SORBS2: variants seen among roughly 807,000 people sequenced by gnomAD.
The protein encoded by SORBS2 is sorbin and SH3 domain-containing protein 2.
A neutral mutation model predicts 97.7 loss-of-function variants in SORBS2; 46 were observed. That is an observed-to-expected ratio of 0.47 (90% confidence interval 0.37 to 0.60). The LOEUF (loss-of-function observed/expected upper bound fraction) is 0.60, where lower values mean the gene tolerates loss of function less well. SORBS2 is among the 20% of genes least tolerant of loss of function. The probability of loss-of-function intolerance (pLI) is 0.00; values close to 1 mark genes in which losing one functional copy is unlikely to be tolerated. For synonymous variants in SORBS2, 476 were observed against 473.4 expected, an observed-to-expected ratio of 1.01 and a Z score of -0.07; for missense variants, 1,316 against 1,282.3, an observed-to-expected ratio of 1.03 and a Z score of -0.40.
chr4:185,933,742 C>T (rs1273720761), intron 1 of SORBS2, among the ~76,000 whole-genome samples: 1 of 152,094 alleles, frequency 6.6e-6, no homozygotes, highest in Non-Finnish European at 1.5e-5. Flanking sequence ...TGTTAATTTA[C>T]CAGCCACTCA....
At chr4:185,879,983 G>T (rs2099236059) in intron 1 of SORBS2, among the ~76,000 whole-genome samples, 1 of 152,214 alleles carries the variant, frequency 6.6e-6, no homozygotes, top group African/African-American at 2.4e-5. Flanking sequence ...AAGAACGAAA[G>T]AATGAACAAA....
At chr4:185,815,024 G>A (rs1187557755) in intron 1 of SORBS2, among the ~76,000 whole-genome samples, 1 of 152,246 alleles carries the variant, frequency 6.6e-6, no homozygotes, top group Non-Finnish European at 1.5e-5. Flanking sequence ...CCATCTTTCT[G>A]AGTCAAGTGA....
chr4:185,663,103 C>A (rs548443162), intron 4 of SORBS2, among the ~76,000 whole-genome samples: 2 of 152,286 alleles, frequency 1.3e-5, no homozygotes, highest in East Asian at 1.9e-4. Context: ...ATTAAGCATG[C>A]CTGTCTACCC....
chr4:185,954,884 A>G (rs949330369), intron 1 of SORBS2, among the ~76,000 whole-genome samples: 2 of 152,232 alleles, frequency 1.3e-5, no homozygotes, highest in Non-Finnish European at 2.9e-5. Context: ...CTTGAACCAG[A>G]TAAGTGGCAG....
At position 185,607,667 on chromosome 4, in the gene SORBS2, G is replaced by A. The variant is rs1330088021; in HGVS notation, c.2796+4113C>T. ...GAGATTACCAGGACAGTAAAACCTTGAGAGATTTATTTTTATTTATTTTTA... is the reference window on the plus strand; with the variant it reads ...GAGATTACCAGGACAGTAAAACCTTAAGAGATTTATTTTTATTTATTTTTA... On this transcript the variant is annotated intron_variant, in intron 12 of 14. Transcript: ENST00000418609. The surrounding 1 kb of genome is among the most constrained non-coding windows in gnomAD (Gnocchi z 5.2). Among the ~76,000 whole-genome samples, 5 of 151,952 alleles carry A rather than the reference G, an allele frequency of 3.3e-5. No individual in the cohort carries two copies. The highest frequency in any genetic ancestry group is 1.2e-4 in the African/African-American group (5 of 41,344).
rs922141370 is a variant in SORBS2 at position 185,606,894 on chromosome 4, G to A, written c.2796+4886C>T. The A allele has an allele frequency of 2.0e-6, 2 of 988,526 alleles. No homozygotes were observed. Among genetic ancestry groups the A allele is most frequent in the African/African-American group, 3.5e-5 (2 of 57,200 alleles). The allele number at this position is 988,526 out of a possible 1,614,324, so 61.2% of individuals were successfully genotyped here. On this transcript the variant is annotated intron_variant, in intron 12 of 14. Transcript: ENST00000418609. This position sits in a 1 kb window ranked among gnomAD's most constrained non-coding sequence, Gnocchi z 4.3. ...CAGAGGCCACAAAATTATCCCCTAG[G>A]ACTTCTGGTGCCTTTTTAGGGTCTG...
rs575661441 is a variant in SORBS2 at position 185,936,091 on chromosome 4, T to C, written c.-338+20105A>G. Among the ~76,000 whole-genome samples, 7 of 152,282 alleles carry C rather than the reference T, an allele frequency of 4.6e-5. No individual in the cohort carries two copies. In the East Asian group the frequency reaches 1.4e-3, roughly 29 times the overall value. On this transcript the variant is annotated intron_variant, in intron 1 of 20. Coordinates refer to the SORBS2 transcript ENST00000284776. ...ACAGGCTGGTCCTGAACTCCTGAGC[T>C]CAAGTGATTAGCCCGACTCGGCCTC...
rs367771477 is a variant in SORBS2 at position 185,744,424 on chromosome 4, G to A, written c.-198+30803C>T. On this transcript the variant is annotated intron_variant, in intron 2 of 20. Coordinates refer to the SORBS2 transcript ENST00000284776. ...TACTCTAGTCTACAGTGTACTGTTG[G>A]GCTAGAAATAGTCCATTGACTATTT... Among the ~76,000 whole-genome samples, 26 of 152,202 alleles carry A rather than the reference G, an allele frequency of 1.7e-4. 1 individual carries two copies. The South Asian group carries it at 5.4e-3, about 32-fold the overall frequency.
intron 1 of SORBS2, among the ~76,000 whole-genome samples, chr4:185,817,445 G>T (rs1398084008): frequency 3.3e-5 from 5 of 152,192 alleles, no homozygotes; most frequent in African/African-American, 7.2e-5. Flanking sequence ...GAAAGAGAGG[G>T]CTGGCTGCTT....
chr4:185,753,794 A>G (rs1356262129), intron 2 of SORBS2, among the ~76,000 whole-genome samples: 1 of 152,218 alleles, frequency 6.6e-6, no homozygotes, highest in African/African-American at 2.4e-5. Flanking sequence ...GTGAGTTTCT[A>G]ACATTATTCA....
chr4:185,793,226 T>C (rs989759763), intron 1 of SORBS2, among the ~76,000 whole-genome samples: 6 of 152,236 alleles, frequency 3.9e-5, no homozygotes, highest in African/African-American at 1.2e-4. Flanking sequence ...GAAAAGATCA[T>C]ATGATGCATT....
intron 1 of SORBS2, among the ~76,000 whole-genome samples, chr4:185,900,128 T>TA (rs2099246954): frequency 6.6e-6 from 1 of 151,990 alleles, no homozygotes; most frequent in East Asian, 1.9e-4. Context: ...AACCCATCTC[T>TA]AAAAATAAAA....
intron 1 of SORBS2, among the ~76,000 whole-genome samples, chr4:185,945,880 G>A (rs551667314): frequency 2.0e-5 from 3 of 152,264 alleles, no homozygotes; most frequent in Admixed American, 6.5e-5. Context: ...GTTCCAGGAA[G>A]AAGCAGCAGC....
rs528791876 is a variant in SORBS2, at chr4:185,857,656, C to A, written c.-337-82290G>T. On this transcript the variant is annotated intron_variant, in intron 1 of 20. Coordinates refer to the SORBS2 transcript ENST00000284776. ...CAAGTAGGAGAAATATCACTGAATT[C>A]TTTTCCCAGCAAGGAATAACCATGG... Among the ~76,000 whole-genome samples the A allele has an allele frequency of 3.9e-4, 59 of 152,290 alleles. No individual in the cohort carries two copies. In the South Asian group the frequency reaches 7.1e-3, roughly 18 times the overall value.
intron 4 of SORBS2, among the ~76,000 whole-genome samples, chr4:185,671,790 T>A (rs1393219010): frequency 6.6e-6 from 1 of 152,182 alleles, no homozygotes; most frequent in Admixed American, 6.5e-5. Context: ...AGAAATTCTT[T>A]CCAATAATTC....
At chr4:185,589,863 C>G in intron 13 of SORBS2, 78 bp from the exon 26 acceptor site, 1 of 845,554 alleles carries the variant, frequency 1.2e-6, no homozygotes, top group Non-Finnish European at 2.0e-6. Flanking sequence ...AATATTCATT[C>G]TTCCTTTAAC....
At chr4:185,624,080 G>T (rs773054747) in exon 7 of SORBS2, 1 of 1,614,188 alleles carries the variant, frequency 6.2e-7, no homozygotes, top group Non-Finnish European at 8.5e-7. Flanking sequence ...GAACCCCGGG[G>T]CGTTGCGGGC....
At chr4:185,911,373 G>A (rs985267711) in intron 1 of SORBS2, among the ~76,000 whole-genome samples, 3 of 152,058 alleles carry the variant, frequency 2.0e-5, no homozygotes, top group African/African-American at 7.2e-5. Flanking sequence ...AGCTACAGGT[G>A]TGCACCACCA....
intron 1 of SORBS2, among the ~76,000 whole-genome samples, chr4:185,830,534 C>T (rs1227958937): frequency 2.0e-5 from 3 of 152,182 alleles, no homozygotes; most frequent in African/African-American, 7.2e-5. Context: ...AAGAGGCCCC[C>T]TTTTGATCTC....
Sources: allele counts gnomAD v4.1 joint callset (sites outside exome capture counted in the v4.1 genomes callset), GRCh38; gene constraint gnomAD v4.1.1; non-coding constraint Gnocchi (gnomAD v3.1); transcripts MANE v1.5; gene names NCBI Gene and HGNC (gene_info 2026-07-23, HGNC 2026-07-21).